ERICH1: variants seen among roughly 807,000 people sequenced by gnomAD.
The protein encoded by ERICH1 is glutamate-rich protein 1.
In ERICH1, 56 loss-of-function variants were observed where a neutral mutation model predicts 39.6. The ratio of observed to expected loss-of-function variants is 1.41; its 90% CI spans 1.14 to 1.77. ERICH1 has a LOEUF of 1.77. Among genes scored for constraint, ERICH1 ranks in the 40% most tolerant of loss-of-function variants. The pLI is 0.00. For synonymous variants in ERICH1, 313 were observed against 223.6 expected (o/e 1.40, Z -3.57); for missense variants, 826 against 575.4 (o/e 1.44, Z -4.45).
intron 2 of ERICH1, among the ~76,000 whole-genome samples, chr8:705,634 C>G (rs932112790): frequency 6.6e-6 from 1 of 151,880 alleles, no homozygotes; most frequent in Non-Finnish European, 1.5e-5. Context: ...GATTCCCACT[C>G]ACGGCACTTT....
At chr8:651,340 C>G (rs1388360074) in intron 3 of ERICH1, among the ~76,000 whole-genome samples, 1 of 152,206 alleles carries the variant, frequency 6.6e-6, no homozygotes, top group Non-Finnish European at 1.5e-5. Context: ...TCTGAAAATA[C>G]TAATTCTAAT....
At chr8:708,643 G>A (rs560729712) in intron 2 of ERICH1, among the ~76,000 whole-genome samples, 1 of 150,698 alleles carries the variant, frequency 6.6e-6, no homozygotes, top group South Asian at 2.1e-4. Flanking sequence ...AGGCTAGAGG[G>A]AGTGGGGAAT....
chr8:689,688 TA>T (rs1173182736), intron 3 of ERICH1, among the ~76,000 whole-genome samples: 1 of 152,178 alleles, frequency 6.6e-6, no homozygotes, highest in Non-Finnish European at 1.5e-5. Context: ...CACCGTGGCA[TA>T]GGGACACACT....
rs1000359370 is a variant in ERICH1 at position 625,389 on chromosome 8, G to C, written c.977-10105C>G. ...CGGACAAAGGAGGCCAGGTAGTGTC[G>C]TGCCTGTCTACAGGACACGTCCACA... On this transcript the variant is annotated intron_variant, in intron 3 of 3. Coordinates refer to the ERICH1 transcript ENST00000522706. Among the ~76,000 whole-genome samples the C allele has an allele frequency of 4.7e-4, 71 of 152,300 alleles. 1 individual carries two copies. Among genetic ancestry groups the C allele is most frequent in the African/African-American group, 1.6e-3 (67 of 41,556 alleles).
At chr8:630,973 C>A (rs149373728) in intron 3 of ERICH1, among the ~76,000 whole-genome samples, 1 of 149,854 alleles carries the variant, frequency 6.7e-6, no homozygotes, top group Non-Finnish European at 1.5e-5. Flanking sequence ...CCCACATGGA[C>A]AGAGCTGACT....
chr8:634,026 G>C (rs563707564), intron 3 of ERICH1, among the ~76,000 whole-genome samples: 2 of 152,200 alleles, frequency 1.3e-5, no homozygotes, highest in African/African-American at 2.4e-5. Flanking sequence ...AGCAGACAGC[G>C]GGACTGCGTG....
chr8:654,273 A>T (rs1800333754), intron 3 of ERICH1, among the ~76,000 whole-genome samples: 1 of 152,228 alleles, frequency 6.6e-6, no homozygotes, highest in Non-Finnish European at 1.5e-5. Flanking sequence ...GTTCACAAAT[A>T]AAGGAATAGC....
intron 3 of ERICH1, among the ~76,000 whole-genome samples, chr8:624,881 C>G (rs1327629044): frequency 6.6e-6 from 1 of 152,114 alleles, no homozygotes; most frequent in Non-Finnish European, 1.5e-5. Flanking sequence ...TGCCCGCCAC[C>G]ATGCCTGGCT....
chr8:637,820 G>A (rs1350332389), intron 3 of ERICH1, among the ~76,000 whole-genome samples: 1 of 152,190 alleles, frequency 6.6e-6, no homozygotes, highest in Non-Finnish European at 1.5e-5. Context: ...CTGACGTCCA[G>A]ACCCCGCTGT....
chr8:653,153 T>G (rs1445014995), intron 3 of ERICH1, among the ~76,000 whole-genome samples: 1 of 152,226 alleles, frequency 6.6e-6, no homozygotes, highest in Non-Finnish European at 1.5e-5. Context: ...TGTACACCCA[T>G]GTACAGAGTA....
intron 3 of ERICH1, among the ~76,000 whole-genome samples, chr8:643,829 T>G (rs1799291378): frequency 6.6e-6 from 1 of 152,172 alleles, no homozygotes; most frequent in African/African-American, 2.4e-5. Flanking sequence ...GGATTCAGAT[T>G]TGAAAATGAT....
At chr8:658,051 G>C (rs1360327759) in intron 3 of ERICH1, among the ~76,000 whole-genome samples, 2 of 152,250 alleles carry the variant, frequency 1.3e-5, no homozygotes, top group Admixed American at 1.3e-4. Flanking sequence ...GAGAGAGGCT[G>C]GCACGGCCCC....
intron 5 of ERICH1, chr8:667,540 CACCAGCCTTCCCCAGTG>C (rs1189062396): frequency 1.3e-5 from 2 of 153,138 alleles, no homozygotes; most frequent in African/African-American, 4.8e-5. Flanking sequence ...GTGGGGTCCC[CACCAGCCTTCCCCAGTG>C]GTAGGCTGCA....
At chr8:674,657 G>A (rs1007374317) in intron 3 of ERICH1, among the ~76,000 whole-genome samples, 2 of 152,024 alleles carry the variant, frequency 1.3e-5, no homozygotes, top group Admixed American at 6.6e-5. Flanking sequence ...TCCCTCTATG[G>A]GGGGGAAACC....
In ERICH1 at chr8:715,774, C is replaced by T. The variant is rs1815805232; in HGVS notation, c.169+87G>A. ...AGACCTGCAGACAGATGCCCGAGGC[C>T]CAAAAGACACATTCTCCAAGGCAAG... On this transcript the variant is annotated intron_variant, in intron 2 of 5. Transcript: ENST00000262109. 9.2e-6 allele frequency: 14 copies of T among 1,524,786 alleles called. 1 individual carries two copies. In the South Asian group the frequency reaches 1.6e-4, roughly 17 times the overall value. The allele number at this position is 1,524,786 out of a possible 1,614,324, so 94.5% of individuals were successfully genotyped here.
intron 1 of ERICH1, among the ~76,000 whole-genome samples, chr8:716,828 A>G (rs987327906): frequency 6.6e-6 from 1 of 151,962 alleles, no homozygotes; most frequent in South Asian, 2.1e-4. Context: ...GCCCCCTGAG[A>G]GGAGACGCTG....
chr8:709,889 T>C (rs1178600724), intron 2 of ERICH1, among the ~76,000 whole-genome samples: 2 of 152,326 alleles, frequency 1.3e-5, no homozygotes, highest in East Asian at 3.9e-4. Flanking sequence ...CCACCAGATA[T>C]GTTACTGGTA....
chr8:686,818 C>T (rs750070912), intron 3 of ERICH1: 2 of 152,268 alleles, frequency 1.3e-5, no homozygotes, highest in African/African-American at 2.4e-5. Context: ...TCCTCTAGGA[C>T]CAGGCGAGCT....
chr8:688,449 G>C (rs946814126), intron 3 of ERICH1, among the ~76,000 whole-genome samples: 3 of 151,788 alleles, frequency 2.0e-5, no homozygotes, highest in East Asian at 1.9e-4. Context: ...CCATTCTGTA[G>C]GCCAGGCTCA....
Sources: gnomAD v4.1 joint callset for allele counts (sites outside exome capture counted in the v4.1 genomes callset) on GRCh38, gnomAD v4.1.1 for gene constraint, MANE v1.5 for transcripts, NCBI Gene and HGNC (gene_info 2026-07-23, HGNC 2026-07-21) for gene names.